Variants in CHD1 observed in about 807,000 individuals in gnomAD.
CHD1 encodes ATP-dependent chromatin remodeler CHD1.
Under a neutral mutation model 224.2 loss-of-function variants are expected in CHD1, and 36 were observed. The observed-to-expected ratio is 0.16, with a 90% CI of 0.12 to 0.21. CHD1 has a LOEUF of 0.21. CHD1 is among the 10% of genes least tolerant of loss of function. The probability of loss-of-function intolerance (pLI) is 1.00; values close to 1 mark genes in which losing one functional copy is unlikely to be tolerated. For missense variants in CHD1, 1,378 were observed against 1,994.8 expected (o/e 0.69, Z 5.89); for synonymous variants, 668 against 658.3 (o/e 1.01, Z -0.23).
chr5:98,864,014 T>A (rs934354441), intron 31 of CHD1, among the ~76,000 whole-genome samples: 2 of 152,194 alleles, frequency 1.3e-5, no homozygotes, highest in African/African-American at 4.8e-5. Flanking sequence ...TAGCTAGATA[T>A]ATAAACTGTA....
chr5:98,899,829 T>C (rs982752638), intron 7 of CHD1, 124 bp from the exon 8 acceptor site: 3 of 624,772 alleles, frequency 4.8e-6, no homozygotes, highest in East Asian at 2.8e-5. Flanking sequence ...ATTGGGGGTA[T>C]AGAAACTTAT....
chr5:98,889,580 G>C (rs905005118), intron 15 of CHD1, among the ~76,000 whole-genome samples: 2 of 130,950 alleles, frequency 1.5e-5, no homozygotes, highest in African/African-American at 7.0e-5. Context: ...TAATGAAACT[G>C]AATTATTTTG....
chr5:98,892,734 G>A, intron 14 of CHD1, 21 bp from the exon 15 acceptor site: 1 of 1,512,904 alleles, frequency 6.6e-7, no homozygotes, highest in East Asian at 2.3e-5. Flanking sequence ...TAAGAAATTG[G>A]AACAATTACT....
chr5:98,863,336 A>C, intron 32 of CHD1, 72 bp downstream of exon 32: 1 of 868,232 alleles, frequency 1.2e-6, no homozygotes, highest in South Asian at 2.8e-5. Flanking sequence ...CAGAATCAGG[A>C]AAGAAAACAA....
At chr5:98,893,147 G>A (rs1449414071) in intron 14 of CHD1, among the ~76,000 whole-genome samples, 1 of 152,142 alleles carries the variant, frequency 6.6e-6, no homozygotes, top group Non-Finnish European at 1.5e-5. Context: ...GAATGGTACT[G>A]TGTTAGTTTT....
At chr5:98,877,671 A>T (rs1045326869) in intron 23 of CHD1, among the ~76,000 whole-genome samples, 2 of 152,174 alleles carry the variant, frequency 1.3e-5, no homozygotes, top group Non-Finnish European at 2.9e-5. Context: ...TGGTATTTAG[A>T]CCTTTTTTTT....
At chr5:98,901,487 A>C (rs1751708505) in intron 5 of CHD1, 152 bp from the exon 6 acceptor site, 1 of 612,294 alleles carries the variant, frequency 1.6e-6, no homozygotes, top group Non-Finnish European at 2.6e-6. Flanking sequence ...ATAAAACAAA[A>C]ACACTCTGGA....
At position 98,856,214 on chromosome 5, in the gene CHD1, TTTCTC is replaced by T. The variant is rs1748008950; in HGVS notation, c.*161_*165del. 4 of 576,836 alleles carry T rather than the reference TTTCTC, an allele frequency of 6.9e-6. No homozygotes were observed. In the Admixed American group the frequency reaches 9.0e-5, roughly 13 times the overall value. 35.7% of individuals were successfully genotyped at this position (576,836 alleles called of 1,614,324 possible). Reference sequence around the variant, plus strand: ...GCATAATCCTTAAATATAAAAATATTTTCTCTTCTGTTGGGATAATAGACCTTGCA... The same window carrying T: ...GCATAATCCTTAAATATAAAAATATTTTCTGTTGGGATAATAGACCTTGCA... On this transcript the variant is annotated 3_prime_UTR_variant, in exon 36 of 36. Coordinates refer to ENST00000614616, the MANE Select transcript of CHD1 (RefSeq NM_001270.4).
At chr5:98,906,536 A>T (rs1752063647) in intron 2 of CHD1, among the ~76,000 whole-genome samples, 1 of 152,206 alleles carries the variant, frequency 6.6e-6, no homozygotes, top group Non-Finnish European at 1.5e-5. Context: ...TGTGTTAGGC[A>T]CTGGGGACAG....
chr5:98,883,015 A>C (rs1163176991), intron 19 of CHD1, 73 bp downstream of exon 19: 4 of 986,712 alleles, frequency 4.1e-6, no homozygotes, highest in Non-Finnish European at 5.6e-6. Flanking sequence ...CTAGAGGATA[A>C]ACTGAAATCA....
At chr5:98,920,758 T>C (rs1027011385) in intron 2 of CHD1, among the ~76,000 whole-genome samples, 6 of 150,788 alleles carry the variant, frequency 4.0e-5, no homozygotes, top group Non-Finnish European at 8.9e-5. Flanking sequence ...GATCGTGCCA[T>C]TGCACTCCAG....
chr5:98,919,760 T>C (rs1019198605), intron 2 of CHD1, among the ~76,000 whole-genome samples: 8 of 152,188 alleles, frequency 5.3e-5, no homozygotes, highest in African/African-American at 1.7e-4. Flanking sequence ...GACGTAAGGA[T>C]ACAGAAATGA....
chr5:98,868,553 C>T lies in CHD1; in HGVS notation c.4190G>A (p.Gly1397Asp). The T allele has an allele frequency of 6.2e-7, 1 of 1,613,068 alleles. No homozygotes were observed. Among genetic ancestry groups the T allele is most frequent in the Non-Finnish European group, 8.5e-7 (1 of 1,179,734 alleles). Residue 1397 changes from glycine (G) to aspartate (D), a missense_variant, in exon 31 of 36, where the codon GGT becomes GAT. This residue lies in a region of CHD1 where 105 missense variants were observed against 93.4 expected (regional missense o/e 1.12). Coordinates refer to ENST00000614616, the MANE Select transcript of CHD1 (RefSeq NM_001270.4). ...TTCTTCAGAAATGGGAACTGGTTCA[C>T]CACTTGCCGTGATATGAACTGGAGC... is the stretch of plus-strand genomic sequence containing the variant. ...SDAPVHITAS[G>D]EPVPISEESE...
chr5:98,876,706 G>A (rs1408554340), intron 23 of CHD1, 148 bp from the exon 24 acceptor site: 3 of 654,894 alleles, frequency 4.6e-6, no homozygotes, highest in Admixed American at 2.9e-5. Flanking sequence ...AGCAAACAGA[G>A]AAAAATATAT....
rs111636885 is a variant in CHD1 at position 98,882,460 on chromosome 5, G to C, written c.2719-337C>G. On this transcript the variant is annotated intron_variant, in intron 19 of 35. Coordinates refer to ENST00000614616, the MANE Select transcript of CHD1 (RefSeq NM_001270.4). The stretch of plus-strand genomic sequence containing the variant: ...AACTTCTGATAGCCTTCTTATACTC[G>C]TTGCCTTGATTCTAATGTTTCATCA... Among the ~76,000 whole-genome samples the C allele has an allele frequency of 5.6e-3, 839 of 151,062 alleles. 7 individuals carry two copies. The highest frequency in any genetic ancestry group is 0.019 in the African/African-American group (777 of 41,146).
intron 2 of CHD1, among the ~76,000 whole-genome samples, chr5:98,919,653 A>G (rs1301665788): frequency 1.3e-5 from 2 of 152,222 alleles, no homozygotes; most frequent in Non-Finnish European, 2.9e-5. Flanking sequence ...GTTACAAAGC[A>G]ATAAGAAAGA....
At chr5:98,910,312 TATTA>T (rs1417027552) in intron 2 of CHD1, among the ~76,000 whole-genome samples, 1 of 152,206 alleles carries the variant, frequency 6.6e-6, no homozygotes. Context: ...ACAATATGAT[TATTA>T]AAGTTAAGAT....
At chr5:98,892,780 T>G (rs1751103112) in intron 14 of CHD1, 67 bp from the exon 15 acceptor site, 2 of 1,071,204 alleles carry the variant, frequency 1.9e-6, no homozygotes. Context: ...TGTATGAACT[T>G]TTTTTTTTAG....
Position 98,898,267 on chromosome 5 carries a change from TA to T in CHD1, c.1353del (p.Phe451LeufsTer7). The T allele has an allele frequency of 6.6e-7, 1 of 1,524,216 alleles. No individual in the cohort carries two copies. The highest frequency in any genetic ancestry group is 1.4e-5 in the South Asian group (1 of 71,802). The allele number at this position is 1,524,216 out of a possible 1,614,324, so 94.4% of individuals were successfully genotyped here. Reference sequence around the variant, plus strand: ...TAGACAATACTCACTTTGCAATCTTTAAAAGGAGTGGTTTTTGATTGGTTCC... The same window carrying T: ...TAGACAATACTCACTTTGCAATCTTTAAAGGAGTGGTTTTTGATTGGTTCC... ...FSRNQSKTTP[F>X]KDCKVLKQRP... On this transcript the variant is annotated frameshift_variant, in exon 10 of 36. Transcript: ENST00000614616. LOFTEE classifies it high-confidence loss of function.
Sources: gnomAD v4.1 joint callset for allele counts (sites outside exome capture counted in the v4.1 genomes callset) on GRCh38, gnomAD v4.1.1 for gene constraint, gnomAD v4.1.1 regional missense constraint, MANE v1.5 for transcripts, NCBI Gene and HGNC (gene_info 2026-07-23, HGNC 2026-07-21) for gene names.